Variants in ZNF273 observed in about 807,000 individuals in gnomAD.
ZNF273 encodes the protein zinc finger protein 9.
Under a neutral mutation model 14.9 loss-of-function variants are expected in ZNF273, and 11 were observed. The observed-to-expected ratio is 0.74, with a 90% confidence interval of 0.46 to 1.22. The LOEUF is 1.22. Ranked by LOEUF, ZNF273 falls within the 50% of genes most tolerant of loss-of-function variation. ZNF273 has a pLI of 0.00. For missense variants in ZNF273, 577 were observed against 660.6 expected, an observed-to-expected ratio of 0.87 and a Z score of 1.39; for synonymous variants, 199 against 223.9, an observed-to-expected ratio of 0.89 and a Z score of 0.99.
downstream of ZNF273, among the ~76,000 whole-genome samples, chr7:64,934,205 A>AC (rs1562970543): frequency 6.6e-6 from 1 of 151,218 alleles, no homozygotes; most frequent in Non-Finnish European, 1.5e-5. Flanking sequence ...AGTTTCTTAC[A>AC]TTTTTTTTTA....
rs148919395 is a variant in ZNF273, at chr7:64,897,031, GTAAAA to G, written n.489-313_489-309del. Among the ~76,000 whole-genome samples, 1,392 of 152,280 alleles carry G rather than the reference GTAAAA, an allele frequency of 9.1e-3. 16 individuals carry two copies. The highest frequency in any genetic ancestry group is 0.032 in the African/African-American group (1,322 of 41,544). On this transcript the variant is annotated intron_variant and non_coding_transcript_variant, in intron 3 of 7. Transcript: ENST00000527278. ...ATGAACCTGGAGGACATTATGCTAA[GTAAAA>G]TAAGTCAGCACAAAAACTATAGAAG...
chr7:64,922,981 G>GA (rs1417920024), intron 3 of ZNF273, among the ~76,000 whole-genome samples: 1 of 151,054 alleles, frequency 6.6e-6, no homozygotes, highest in South Asian at 2.1e-4. Context: ...TAAAAAAAAA[G>GA]AAAAAAAGAA....
downstream of ZNF273, chr7:64,889,069 G>A (rs1301094886): frequency 2.0e-6 from 2 of 985,856 alleles, no homozygotes; most frequent in African/African-American, 3.5e-5. This position sits in a 1 kb window ranked among gnomAD's most constrained non-coding sequence, Gnocchi z 4.2. Flanking sequence ...CTCCTACCTA[G>A]AGCGCAGCCG....
At chr7:64,911,491 G>A (rs983502610) in intron 1 of ZNF273, among the ~76,000 whole-genome samples, 4 of 151,968 alleles carry the variant, frequency 2.6e-5, no homozygotes, top group African/African-American at 7.3e-5. Flanking sequence ...TCGAACTCCC[G>A]ACCTGAGGTG....
intron 1 of ZNF273, among the ~76,000 whole-genome samples, chr7:64,909,332 C>T (rs1793329635): frequency 6.6e-6 from 1 of 151,944 alleles, no homozygotes. Context: ...TCGAGCGACT[C>T]TCCTGCCTCA....
intron 1 of ZNF273, among the ~76,000 whole-genome samples, chr7:64,887,651 C>T (rs1328890602): frequency 2.1e-5 from 3 of 140,490 alleles, no homozygotes; most frequent in African/African-American, 7.8e-5. Context: ...GCGCCCGCCA[C>T]TACATGCAGC....
rs1457435346 is a variant in ZNF273, at chr7:64,903,430, C to G, written c.102+11C>G. 4.4e-6 allele frequency: 7 copies of G among 1,606,416 alleles called. No individual in the cohort carries two copies. Among genetic ancestry groups the G allele is most frequent in the Non-Finnish European group, 5.1e-6 (6 of 1,173,550 alleles). ...GGAAGCCTAGAAATGGTGAGAGTGC[C>G]GGGTCCCAGATCCCGAGAGAGGGGG... On this transcript the variant is annotated intron_variant, in intron 1 of 3. Coordinates refer to ENST00000476120, the MANE Select transcript of ZNF273 (RefSeq NM_021148.3).
downstream of ZNF273, among the ~76,000 whole-genome samples, chr7:64,935,176 T>C (rs1245189978): frequency 6.6e-6 from 1 of 152,218 alleles, no homozygotes; most frequent in African/African-American, 2.4e-5. Context: ...CTAAGTGAAG[T>C]CTTAGGCTTT....
At chr7:64,889,443 T>A (rs1791825961), downstream of ZNF273, 1 of 985,522 alleles carries the variant, frequency 1.0e-6, no homozygotes, top group Non-Finnish European at 1.2e-6. This position sits in a 1 kb window ranked among gnomAD's most constrained non-coding sequence, Gnocchi z 4.2. Flanking sequence ...CGGGCTCGGG[T>A]GGCCTCACCT....
downstream of ZNF273, among the ~76,000 whole-genome samples, chr7:64,891,185 C>T (rs1333124548): frequency 6.6e-6 from 1 of 152,174 alleles, no homozygotes; most frequent in African/African-American, 2.4e-5. Context: ...TTTGGTTCTG[C>T]CTCAGTCACT....
chr7:64,931,606 ATTCT>A (rs760271989), downstream of ZNF273, among the ~76,000 whole-genome samples: 7 of 152,124 alleles, frequency 4.6e-5, no homozygotes, highest in Non-Finnish European at 7.4e-5. Flanking sequence ...TTTTAAAGTT[ATTCT>A]TTCTTTCACT....
intron 3 of ZNF273, among the ~76,000 whole-genome samples, chr7:64,922,398 G>A (rs1410263291): frequency 6.6e-6 from 1 of 151,304 alleles, no homozygotes; most frequent in Admixed American, 6.6e-5. Context: ...GCATGATCTC[G>A]GCTCACTGCA....
intron 3 of ZNF273, among the ~76,000 whole-genome samples, chr7:64,896,755 A>C (rs1249260880): frequency 6.6e-6 from 1 of 152,182 alleles, no homozygotes; most frequent in Non-Finnish European, 1.5e-5. Flanking sequence ...ACCCAAATCA[A>C]GCTCAGATGA....
In ZNF273 at chr7:64,916,542, CAAAAA is replaced by C. The variant is rs10712527; in HGVS notation, c.103-1020_103-1016del. On this transcript the variant is annotated intron_variant, in intron 1 of 3. Coordinates refer to ENST00000476120, the MANE Select transcript of ZNF273 (RefSeq NM_021148.3). ...CCTGGGCAAGGGAGCAAAACTGTCT[CAAAAA>C]AAAAAAAAAAAAAAAAAACCATACA... is the stretch of plus-strand genomic sequence containing the variant. Among the ~76,000 whole-genome samples, 19 of 84,386 alleles carry C rather than the reference CAAAAA, an allele frequency of 2.3e-4. No individual in the cohort carries two copies. The East Asian group carries it at 3.1e-3, about 14-fold the overall frequency. The allele number at this position is 84,386 out of a possible 152,430, so 55.4% of individuals were successfully genotyped here. A position where few individuals can be genotyped will look rare whatever the true frequency, so the allele number is the denominator to read the frequency against.
At chr7:64,889,532 C>T (rs912916149), downstream of ZNF273, 6 of 985,690 alleles carry the variant, frequency 6.1e-6, no homozygotes, top group African/African-American at 7.0e-5. The surrounding 1 kb of genome is among the most constrained non-coding windows in gnomAD (Gnocchi z 4.2). Context: ...GCTCCTGGTG[C>T]CACGCGGTCC....
intron 1 of ZNF273, chr7:64,917,205 C>T (rs1794070094): frequency 1.2e-6 from 1 of 815,670 alleles, no homozygotes; most frequent in African/African-American, 1.8e-5. Flanking sequence ...CAGTTTATTA[C>T]TGTACACATT....
chr7:64,921,637 T>TTTTTTTTTTTTG (rs750737426), intron 3 of ZNF273, among the ~76,000 whole-genome samples: 10 of 29,578 alleles, frequency 3.4e-4, no homozygotes, highest in African/African-American at 1.6e-3. Flanking sequence ...TTTTTTTTTT[T>TTTTTTTTTTTTG]GTGTGTGAGA....
downstream of ZNF273, among the ~76,000 whole-genome samples, chr7:64,932,275 A>G (rs1332321566): frequency 6.6e-6 from 1 of 151,808 alleles, no homozygotes; most frequent in East Asian, 1.9e-4. Flanking sequence ...TGTGGCAAAT[A>G]TAAAATTTGC....
chr7:64,936,770 A>C, the ZNF273 span, among the ~76,000 whole-genome samples: 1 of 152,252 alleles, frequency 6.6e-6, no homozygotes, highest in Non-Finnish European at 1.5e-5. Flanking sequence ...TTTGCACACA[A>C]GTGCTACTCA....
Sources: allele counts gnomAD v4.1 joint callset (sites outside exome capture counted in the v4.1 genomes callset), GRCh38; gene constraint gnomAD v4.1.1; non-coding constraint Gnocchi (gnomAD v3.1); transcripts MANE v1.5; gene names NCBI Gene and HGNC (gene_info 2026-07-23, HGNC 2026-07-21).